The following LYPLAL1 variants were observed in gnomAD, a reference collection of about 807,000 sequenced individuals.
LYPLAL1 encodes the protein lysophospholipase like 1.
A neutral mutation model predicts 19.7 loss-of-function variants in LYPLAL1; 23 were observed. The ratio of observed to expected loss-of-function variants is 1.17; its 90% CI spans 0.84 to 1.65. The LOEUF (loss-of-function observed/expected upper bound fraction) is 1.65, where lower values mean the gene tolerates loss of function less well. Among genes scored for constraint, LYPLAL1 ranks in the 40% most tolerant of loss-of-function variants. The probability of loss-of-function intolerance (pLI) is 0.00; values close to 1 mark genes in which losing one functional copy is unlikely to be tolerated. For missense variants in LYPLAL1, 355 were observed against 279.4 expected, an observed-to-expected ratio of 1.27 and a Z score of -1.93; for synonymous variants, 119 against 96.3, an observed-to-expected ratio of 1.24 and a Z score of -1.38.
At chr1:219,431,204 G>C in the LYPLAL1 span, among the ~76,000 whole-genome samples, 3 of 152,186 alleles carry the variant, frequency 2.0e-5, no homozygotes, top group Non-Finnish European at 2.9e-5. Flanking sequence ...GGTGTGTGGG[G>C]AAGGGCTTTG....
the LYPLAL1 span, among the ~76,000 whole-genome samples, chr1:219,323,393 T>C: frequency 6.6e-6 from 1 of 152,124 alleles, no homozygotes; most frequent in Non-Finnish European, 1.5e-5. Flanking sequence ...TGGCCTTCAT[T>C]AGGTGAGTTT....
At chr1:219,179,743 C>T (rs1656118446) in intron 2 of LYPLAL1, among the ~76,000 whole-genome samples, 1 of 152,168 alleles carries the variant, frequency 6.6e-6, no homozygotes, top group Non-Finnish European at 1.5e-5. Context: ...GAATTGACTA[C>T]TTAATAAATA....
At chr1:219,424,258 T>G in the LYPLAL1 span, among the ~76,000 whole-genome samples, 1 of 152,150 alleles carries the variant, frequency 6.6e-6, no homozygotes, top group Non-Finnish European at 1.5e-5. Flanking sequence ...GCATTGACAC[T>G]CTAGGTTAAT....
At chr1:219,407,534 T>A in the LYPLAL1 span, among the ~76,000 whole-genome samples, 1 of 152,222 alleles carries the variant, frequency 6.6e-6, no homozygotes, top group Admixed American at 6.5e-5. Flanking sequence ...CTTGTGAGCA[T>A]CAATGTATGT....
the LYPLAL1 span, among the ~76,000 whole-genome samples, chr1:219,445,264 A>G: frequency 6.6e-6 from 1 of 151,948 alleles, no homozygotes; most frequent in Non-Finnish European, 1.5e-5. Flanking sequence ...GAGAAGAGAA[A>G]GAGCATTCCT....
At chr1:219,256,374 A>G in the LYPLAL1 span, among the ~76,000 whole-genome samples, 5 of 151,882 alleles carry the variant, frequency 3.3e-5, no homozygotes, top group Non-Finnish European at 7.4e-5. Context: ...TATTTTGAAT[A>G]TCTTTACAAA....
At chr1:219,216,080 A>G (rs1187600870), downstream of LYPLAL1, among the ~76,000 whole-genome samples, 1 of 152,016 alleles carries the variant, frequency 6.6e-6, no homozygotes, top group African/African-American at 2.4e-5. Context: ...CTTTTATTCT[A>G]AAATGCACTT....
At chr1:219,264,933 G>A in the LYPLAL1 span, among the ~76,000 whole-genome samples, 39 of 152,218 alleles carry the variant, frequency 2.6e-4, no homozygotes, top group Admixed American at 3.9e-4. Flanking sequence ...ACATTACGTC[G>A]CCAACAGTCT....
At chr1:219,248,451 A>G in the LYPLAL1 span, among the ~76,000 whole-genome samples, 1 of 152,160 alleles carries the variant, frequency 6.6e-6, no homozygotes, top group African/African-American at 2.4e-5. Context: ...GACATATATT[A>G]TCAGAAGGGT....
chr1:219,178,528 C>T (rs1209532140), intron 1 of LYPLAL1, among the ~76,000 whole-genome samples: 9 of 152,092 alleles, frequency 5.9e-5, no homozygotes, highest in Non-Finnish European at 1.3e-4. Flanking sequence ...CTTATATTTC[C>T]TTCCATTTTT....
At chr1:219,395,823 G>T in the LYPLAL1 span, among the ~76,000 whole-genome samples, 1 of 152,058 alleles carries the variant, frequency 6.6e-6, no homozygotes, top group African/African-American at 2.4e-5. Context: ...TCCAGTTTTG[G>T]CTGGATGCGG....
At chr1:219,348,398 C>T in the LYPLAL1 span, among the ~76,000 whole-genome samples, 1 of 152,186 alleles carries the variant, frequency 6.6e-6, no homozygotes, top group African/African-American at 2.4e-5. Context: ...CTGTAAATCT[C>T]CTTCATGGAT....
intron 3 of LYPLAL1, among the ~76,000 whole-genome samples, chr1:219,199,027 T>C (rs1558236294): frequency 6.6e-6 from 1 of 152,202 alleles, no homozygotes; most frequent in East Asian, 1.9e-4. Flanking sequence ...TGAATGATGA[T>C]TTAATTAAGC....
At chr1:219,384,729 T>C in the LYPLAL1 span, among the ~76,000 whole-genome samples, 7 of 152,330 alleles carry the variant, frequency 4.6e-5, no homozygotes, top group African/African-American at 1.7e-4. Context: ...TTGTATTGTT[T>C]GATCTGTTTT....
In LYPLAL1 at chr1:219,183,171, A is replaced by G. The variant is rs577007206; in HGVS notation, c.191+3925A>G. ...GTATCCTATTGTGATTTTTATTAAT[A>G]TTTCTTTAATACTAATGATGTTGCA... On this transcript the variant is annotated intron_variant, in intron 2 of 4. Coordinates refer to ENST00000366928, the MANE Select transcript of LYPLAL1 (RefSeq NM_138794.5). Among the ~76,000 whole-genome samples the G allele has an allele frequency of 1.2e-4, 18 of 152,166 alleles. 1 individual carries two copies. The highest frequency in any genetic ancestry group is 7.9e-4 in the Admixed American group (12 of 15,272).
At chr1:219,361,402 C>A in the LYPLAL1 span, among the ~76,000 whole-genome samples, 1 of 152,098 alleles carries the variant, frequency 6.6e-6, no homozygotes, top group Non-Finnish European at 1.5e-5. Flanking sequence ...TAAGGTAGAT[C>A]TTTCTTTCAA....
chr1:219,207,861 G>C (rs1658695471), intron 3 of LYPLAL1, among the ~76,000 whole-genome samples: 2 of 152,132 alleles, frequency 1.3e-5, no homozygotes, highest in East Asian at 1.9e-4. Context: ...TTCTGTTAAA[G>C]AATATTGCCT....
At chr1:219,428,274 T>C in the LYPLAL1 span, among the ~76,000 whole-genome samples, 1 of 152,238 alleles carries the variant, frequency 6.6e-6, no homozygotes, top group African/African-American at 2.4e-5. Context: ...TTTCATGAGC[T>C]TTTATTTCTC....
chr1:219,277,376 G>T, the LYPLAL1 span, among the ~76,000 whole-genome samples: 1 of 152,146 alleles, frequency 6.6e-6, no homozygotes, highest in Non-Finnish European at 1.5e-5. Context: ...TAGCTGAAGT[G>T]TTTCCTTGAT....
Sources: gnomAD v4.1 joint callset for allele counts (sites outside exome capture counted in the v4.1 genomes callset) on GRCh38, gnomAD v4.1.1 for gene constraint, MANE v1.5 for transcripts, NCBI Gene and HGNC (gene_info 2026-07-23, HGNC 2026-07-21) for gene names.